The following RNGTT variants were observed in gnomAD, a reference collection of about 807,000 sequenced individuals.
RNGTT encodes the protein mRNA-capping enzyme.
In RNGTT, 33 loss-of-function variants were observed where a neutral mutation model predicts 79.3. The observed-to-expected ratio is 0.42, with a 90% CI of 0.32 to 0.56. The LOEUF is 0.56. RNGTT is among the 20% of genes least tolerant of loss of function. The pLI, the probability that RNGTT is intolerant of heterozygous loss-of-function variation, is 0.17. For synonymous variants in RNGTT, 222 were observed against 235.9 expected (o/e 0.94, Z 0.54); for missense variants, 497 against 739.1 (o/e 0.67, Z 3.80).
At chr6:88,885,328 T>G (rs994729114) in intron 8 of RNGTT, among the ~76,000 whole-genome samples, 13 of 151,984 alleles carry the variant, frequency 8.6e-5, no homozygotes. Context: ...AAGAAAGTAC[T>G]CAAAAAATGA....
intron 13 of RNGTT, among the ~76,000 whole-genome samples, chr6:88,748,075 T>C (rs1455429359): frequency 6.6e-6 from 1 of 152,146 alleles, no homozygotes; most frequent in East Asian, 1.9e-4. Flanking sequence ...CCATTACTAA[T>C]GTTACCATCC....
At chr6:88,769,107 T>C (rs966844203) in intron 13 of RNGTT, among the ~76,000 whole-genome samples, 4 of 152,298 alleles carry the variant, frequency 2.6e-5, no homozygotes, top group Admixed American at 2.6e-4. Flanking sequence ...CAGTAAAATC[T>C]CAAAATTTAG....
At chr6:88,792,791 A>C (rs1779466897) in intron 12 of RNGTT, among the ~76,000 whole-genome samples, 1 of 152,204 alleles carries the variant, frequency 6.6e-6, no homozygotes, top group Non-Finnish European at 1.5e-5. Context: ...TCGGAGGTTG[A>C]AATTGCAAAA....
chr6:88,824,765 T>C (rs1203962098), intron 11 of RNGTT, among the ~76,000 whole-genome samples: 5 of 146,792 alleles, frequency 3.4e-5, no homozygotes, highest in African/African-American at 1.3e-4. Context: ...TTTTTTTTTT[T>C]CTTTTTGGAG....
intron 11 of RNGTT, among the ~76,000 whole-genome samples, chr6:88,826,901 G>A (rs1780685676): frequency 6.8e-6 from 1 of 147,556 alleles, no homozygotes; most frequent in African/African-American, 2.5e-5. Context: ...TAAAATTAAT[G>A]TGCTGGAACT....
chr6:88,799,069 TA>T (rs1460605310), intron 12 of RNGTT, among the ~76,000 whole-genome samples: 1 of 151,530 alleles, frequency 6.6e-6, no homozygotes, highest in Non-Finnish European at 1.5e-5. Flanking sequence ...AGACACAATT[TA>T]CCACAAAAGC....
chr6:88,820,074 T>A (rs1477726734), intron 11 of RNGTT, among the ~76,000 whole-genome samples: 1 of 151,942 alleles, frequency 6.6e-6, no homozygotes, highest in Non-Finnish European at 1.5e-5. Flanking sequence ...AAGCAAAGAG[T>A]ATTAAGAATT....
chr6:88,650,519 T>C (rs897467203), intron 14 of RNGTT, among the ~76,000 whole-genome samples: 5 of 152,132 alleles, frequency 3.3e-5, no homozygotes, highest in Admixed American at 6.5e-5. Flanking sequence ...ATTCCAGCTA[T>C]GCTCACACAA....
At chr6:88,887,226 A>AT (rs1782894094) in intron 8 of RNGTT, among the ~76,000 whole-genome samples, 1 of 152,132 alleles carries the variant, frequency 6.6e-6, no homozygotes, top group Non-Finnish European at 1.5e-5. Context: ...GATATAATAA[A>AT]TTGCCATTAA....
intron 4 of RNGTT, among the ~76,000 whole-genome samples, chr6:88,915,152 C>T (rs1471610502): frequency 2.0e-5 from 3 of 152,128 alleles, no homozygotes; most frequent in Admixed American, 6.5e-5. Context: ...AAAGGGAATG[C>T]TTATACACTG....
intron 4 of RNGTT, among the ~76,000 whole-genome samples, chr6:88,915,726 C>G (rs1466609734): frequency 6.6e-6 from 1 of 152,104 alleles, no homozygotes; most frequent in East Asian, 1.9e-4. Context: ...ACACAATATA[C>G]CCTTATAACA....
chr6:88,628,383 C>T (rs1772716630), intron 14 of RNGTT, among the ~76,000 whole-genome samples: 1 of 151,992 alleles, frequency 6.6e-6, no homozygotes, highest in Admixed American at 6.6e-5. Flanking sequence ...AAATAAAACC[C>T]TTTTATTCTG....
chr6:88,935,501 C>G (rs1330705279), intron 2 of RNGTT, among the ~76,000 whole-genome samples: 1 of 152,074 alleles, frequency 6.6e-6, no homozygotes, highest in Non-Finnish European at 1.5e-5. Context: ...ACTGCTTGAG[C>G]TCAGGAGTTC....
At chr6:88,705,152 G>A (rs978386532) in intron 13 of RNGTT, among the ~76,000 whole-genome samples, 1 of 152,076 alleles carries the variant, frequency 6.6e-6, no homozygotes, top group Non-Finnish European at 1.5e-5. Context: ...CATATTTTAA[G>A]AGTCTCTTAT....
chr6:88,846,139 C>G (rs940894814), intron 10 of RNGTT, among the ~76,000 whole-genome samples: 2 of 152,128 alleles, frequency 1.3e-5, no homozygotes, highest in African/African-American at 4.8e-5. Context: ...ATCCACAATG[C>G]CTATGGGCAA....
intron 8 of RNGTT, among the ~76,000 whole-genome samples, chr6:88,878,374 G>C (rs1192402569): frequency 1.3e-5 from 2 of 152,090 alleles, no homozygotes; most frequent in Non-Finnish European, 2.9e-5. Context: ...TGGGATTATA[G>C]GCATGAGCCA....
intron 1 of RNGTT, among the ~76,000 whole-genome samples, chr6:88,952,170 A>T (rs1785272735): frequency 6.6e-6 from 1 of 152,110 alleles, no homozygotes; most frequent in South Asian, 2.1e-4. Flanking sequence ...TTCCCTGGCA[A>T]ACTATATGAC....
At chr6:88,745,545 G>A (rs1045912741) in intron 13 of RNGTT, among the ~76,000 whole-genome samples, 3 of 152,114 alleles carry the variant, frequency 2.0e-5, no homozygotes, top group African/African-American at 7.2e-5. Flanking sequence ...AATAAAATAT[G>A]TTATTGGAAT....
intron 4 of RNGTT, among the ~76,000 whole-genome samples, chr6:88,913,346 T>C (rs1407413012): frequency 2.0e-5 from 3 of 151,718 alleles, no homozygotes; most frequent in Admixed American, 6.6e-5. Context: ...AGGGACCCCT[T>C]CCTAACTCAT....
Sources: allele counts gnomAD v4.1 joint callset (sites outside exome capture counted in the v4.1 genomes callset), GRCh38; gene constraint gnomAD v4.1.1; transcripts MANE v1.5; gene names NCBI Gene and HGNC (gene_info 2026-07-23, HGNC 2026-07-21).